The following BTAF1 variants were observed in gnomAD, a reference collection of about 807,000 sequenced individuals.
BTAF1 encodes the protein B-TFIID TATA-box binding protein associated factor 1, also known as TATA-binding protein-associated factor 172.
In BTAF1, 38 loss-of-function variants were observed where a neutral mutation model predicts 227.1. The observed-to-expected ratio is 0.17, with a 90% CI of 0.13 to 0.22. BTAF1 has a LOEUF of 0.22. Among genes scored for constraint, BTAF1 ranks in the 10% least tolerant of loss-of-function variants. The pLI is 1.00. For synonymous variants in BTAF1, 742 were observed against 751.9 expected, an observed-to-expected ratio of 0.99 and a Z score of 0.21; for missense variants, 1,598 against 2,204.0, an observed-to-expected ratio of 0.73 and a Z score of 5.51.
At chr10:91,959,393 A>G in intron 9 of BTAF1, 1 of 694,170 alleles carries the variant, frequency 1.4e-6, no homozygotes, top group Non-Finnish European at 2.1e-6. Flanking sequence ...AATAGTATAA[A>G]TAATAGATAT....
At chr10:92,016,719 A>G (rs1264567597) in intron 33 of BTAF1, among the ~76,000 whole-genome samples, 1 of 151,958 alleles carries the variant, frequency 6.6e-6, no homozygotes. Flanking sequence ...CAAGTGATTC[A>G]CCTGTCTTGG....
Position 91,992,231 on chromosome 10 carries a change from T to C in BTAF1, c.2967T>C (p.Pro989=). 1.2e-6 allele frequency: 2 copies of C among 1,613,876 alleles called. No individual in the cohort carries two copies. Among genetic ancestry groups the C allele is most frequent in the Non-Finnish European group, 1.7e-6 (2 of 1,179,942 alleles). ...TTGCTATCACAAGTAGGCGAGGTCC[T>C]ACCCCCAAAGCAGTAAAAGCTCAAA... The part of the protein sequence containing the change: ...AAFAITSRRG[P]TPKAVKAQIA... The change falls in exon 21 of 38, where the codon CCT becomes CCC. Residue 989 remains proline (P), a synonymous_variant. Transcript: ENST00000265990.
At position 91,952,160 on chromosome 10, in the gene BTAF1, TTGTGTG is replaced by T. The variant is rs143124844; in HGVS notation, c.564+610_564+615del. 7.6e-3 allele frequency among the ~76,000 whole-genome samples: 1,136 copies of T among 148,604 alleles called. 8 individuals are homozygous for T. The highest frequency in any genetic ancestry group is 0.013 in the Non-Finnish European group (848 of 66,694). ...TATATGTATATGTGTGTGTGTGTGTTTGTGTGTGTGTGTGTGTGTGTATATATATAT... is the reference window on the plus strand; with the variant it reads ...TATATGTATATGTGTGTGTGTGTGTTTGTGTGTGTGTGTGTATATATATAT... On this transcript the variant is annotated intron_variant, in intron 5 of 37. Transcript: ENST00000265990.
chr10:92,016,236 G>A, intron 32 of BTAF1, 104 bp from the exon 33 acceptor site: 1 of 1,358,854 alleles, frequency 7.4e-7, no homozygotes, highest in Non-Finnish European at 1.0e-6. Flanking sequence ...TCATTAATGA[G>A]GGCTGATTTA....
intron 9 of BTAF1, 194 bp downstream of exon 9, chr10:91,959,348 G>A (rs962128268): frequency 5.7e-6 from 7 of 1,223,152 alleles, no homozygotes; most frequent in Admixed American, 6.5e-5. Context: ...AGAGGTCAGT[G>A]AGCAACATAA....
At chr10:91,949,825 C>G (rs1845623928) in intron 4 of BTAF1, among the ~76,000 whole-genome samples, 1 of 152,038 alleles carries the variant, frequency 6.6e-6, no homozygotes, top group Non-Finnish European at 1.5e-5. Context: ...TCTCATTCTT[C>G]AAGCCAAGCC....
rs192685486 is a variant in BTAF1 at position 91,943,521 on chromosome 10, T to C, written c.400+953T>C. The stretch of plus-strand genomic sequence containing the variant: ...AACAGAATAACACTCTGTTGCTAAT[T>C]AATCGTCATTTAGAGGCTTATTAAT... On this transcript the variant is annotated intron_variant, in intron 4 of 37. Coordinates refer to ENST00000265990, the MANE Select transcript of BTAF1 (RefSeq NM_003972.3). Among the ~76,000 whole-genome samples the C allele has an allele frequency of 3.1e-4, 47 of 152,346 alleles. No individual in the cohort carries two copies. The East Asian group carries it at 9.1e-3, about 29-fold the overall frequency.
intron 15 of BTAF1, among the ~76,000 whole-genome samples, chr10:91,981,108 T>C (rs1848034242): frequency 6.6e-6 from 1 of 152,124 alleles, no homozygotes; most frequent in African/African-American, 2.4e-5. Context: ...GTTAACAACC[T>C]TGGATTAACA....
At chr10:91,950,620 A>T (rs1402818914) in intron 4 of BTAF1, among the ~76,000 whole-genome samples, 1 of 152,130 alleles carries the variant, frequency 6.6e-6, no homozygotes, top group Non-Finnish European at 1.5e-5. Context: ...TGAGACATTT[A>T]AAAACCTGTC....
rs781058045 is a variant in BTAF1 at position 91,957,221 on chromosome 10, T to G, written c.832-4T>G. ...CTAGTAGTAATTCTGTTTTTCTTAT[T>G]CAGACAAATGAATGGCCTTTGGAAA... On this transcript the variant is annotated splice_region_variant and splice_polypyrimidine_tract_variant and intron_variant, in intron 7 of 37. Coordinates refer to ENST00000265990, the MANE Select transcript of BTAF1 (RefSeq NM_003972.3). 6.2e-7 allele frequency: 1 copy of G among 1,611,786 alleles called. No homozygotes were observed. Among genetic ancestry groups the G allele is most frequent in the East Asian group, 2.2e-5 (1 of 44,750 alleles).
rs1420768211 is a variant in BTAF1 at position 92,030,673 on chromosome 10, ACTTT to A, written c.*1743_*1746del. On this transcript the variant is annotated 3_prime_UTR_variant, in exon 38 of 38. Transcript: ENST00000265990. ...GAAGTCAGATATTTAGGCTGTTTAA[ACTTT>A]CTGAGAGTTTAATCAAAAGGTGTGT... Among the ~76,000 whole-genome samples the A allele has an allele frequency of 6.6e-6, 1 of 152,118 alleles. No individual in the cohort carries two copies. Among genetic ancestry groups the A allele is most frequent in the African/African-American group, 2.4e-5 (1 of 41,442 alleles).
chr10:91,965,093 T>A (rs1257858683), intron 13 of BTAF1, among the ~76,000 whole-genome samples: 2 of 152,138 alleles, frequency 1.3e-5, no homozygotes, highest in Non-Finnish European at 2.9e-5. Flanking sequence ...AAGTTTAGAT[T>A]AGTTGGATAG....
chr10:91,924,497 C>T (rs1033493793), intron 1 of BTAF1, among the ~76,000 whole-genome samples: 15 of 152,168 alleles, frequency 9.9e-5, no homozygotes, highest in African/African-American at 2.9e-4. Context: ...TTACTATTAT[C>T]TAAGAGACCG....
intron 2 of BTAF1, among the ~76,000 whole-genome samples, chr10:91,938,178 A>G (rs1372500180): frequency 2.6e-5 from 4 of 152,364 alleles, no homozygotes; most frequent in East Asian, 1.9e-4. Context: ...AAAGTTCTTC[A>G]TATGGTATAG....
chr10:92,007,008 A>G (rs1849943118), intron 25 of BTAF1, among the ~76,000 whole-genome samples: 1 of 152,038 alleles, frequency 6.6e-6, no homozygotes, highest in South Asian at 2.1e-4. Context: ...GAGTTTGTCA[A>G]GGAAATTCTT....
At chr10:92,005,445 G>T (rs979459383) in intron 25 of BTAF1, among the ~76,000 whole-genome samples, 2 of 152,158 alleles carry the variant, frequency 1.3e-5, no homozygotes, top group Non-Finnish European at 2.9e-5. Flanking sequence ...TCCAGTCCAA[G>T]AACATTTATT....
At chr10:92,004,566 C>T (rs1008933779) in intron 25 of BTAF1, among the ~76,000 whole-genome samples, 1 of 152,158 alleles carries the variant, frequency 6.6e-6, no homozygotes, top group East Asian at 1.9e-4. Context: ...CTCCTGGGCT[C>T]AAGTGATCTT....
At chr10:91,925,790 G>A (rs184773974) in intron 1 of BTAF1, among the ~76,000 whole-genome samples, 2 of 152,114 alleles carry the variant, frequency 1.3e-5, no homozygotes, top group African/African-American at 4.8e-5. Flanking sequence ...GATTACAGGC[G>A]TGAGCCACCG....
chr10:91,993,154 A>G (rs1327466874), intron 21 of BTAF1, among the ~76,000 whole-genome samples: 1 of 152,152 alleles, frequency 6.6e-6, no homozygotes, highest in Non-Finnish European at 1.5e-5. Context: ...TGTGATTTTG[A>G]TATTTATATC....
Sources: allele counts gnomAD v4.1 joint callset (sites outside exome capture counted in the v4.1 genomes callset), GRCh38; gene constraint gnomAD v4.1.1; transcripts MANE v1.5; gene names NCBI Gene and HGNC (gene_info 2026-07-23, HGNC 2026-07-21).